NRG3: variants seen among roughly 807,000 people sequenced by gnomAD.
NRG3 encodes neuregulin 3.
Under a neutral mutation model 66.9 loss-of-function variants are expected in NRG3, and 31 were observed. That is an observed-to-expected ratio of 0.46 (90% CI 0.35 to 0.63). The LOEUF (loss-of-function observed/expected upper bound fraction) is 0.63, where lower values mean the gene tolerates loss of function less well. Ranked by LOEUF, NRG3 falls within the 20% of genes least tolerant of loss-of-function variation. The pLI is 0.00. For synonymous variants in NRG3, 393 were observed against 359.4 expected (o/e 1.09, Z -1.06); for missense variants, 910 against 878.9 (o/e 1.04, Z -0.45).
intron 2 of NRG3, among the ~76,000 whole-genome samples, chr10:82,360,435 G>A (rs1316131321): frequency 6.6e-6 from 1 of 152,150 alleles, no homozygotes; most frequent in Non-Finnish European, 1.5e-5. Flanking sequence ...ATTGAAGAAG[G>A]GATGAATCAG....
At chr10:82,940,585 A>G (rs996385554) in intron 4 of NRG3, among the ~76,000 whole-genome samples, 19 of 152,150 alleles carry the variant, frequency 1.2e-4, no homozygotes, top group African/African-American at 4.3e-4. Flanking sequence ...AAAGTACCCT[A>G]CACTGCATAG....
chr10:82,805,547 A>G (rs1383875211), intron 3 of NRG3, among the ~76,000 whole-genome samples: 1 of 152,112 alleles, frequency 6.6e-6, no homozygotes, highest in East Asian at 1.9e-4. Context: ...TCCGTTTAGA[A>G]ACTGGCTTGA....
intron 1 of NRG3, 32 bp downstream of exon 1, chr10:81,876,195 A>G: frequency 3.9e-6 from 6 of 1,541,320 alleles, no homozygotes; most frequent in Non-Finnish European, 4.4e-6. Context: ...ACTATGATTT[A>G]CTACTGAGTT....
chr10:82,779,469 T>C (rs539688053), intron 3 of NRG3, among the ~76,000 whole-genome samples: 3 of 152,244 alleles, frequency 2.0e-5, no homozygotes, highest in Non-Finnish European at 4.4e-5. Context: ...GACCAAAATA[T>C]AGTTATTCAT....
chr10:82,162,572 CA>C (rs2071683028), intron 1 of NRG3, among the ~76,000 whole-genome samples: 1 of 152,150 alleles, frequency 6.6e-6, no homozygotes, highest in Non-Finnish European at 1.5e-5. Context: ...CAAGAGAAGT[CA>C]CTAAGTTATT....
intron 1 of NRG3, among the ~76,000 whole-genome samples, chr10:82,275,631 A>G (rs1053615581): frequency 1.3e-5 from 2 of 151,938 alleles, no homozygotes; most frequent in Admixed American, 6.6e-5. Flanking sequence ...GGAATTCCCA[A>G]TTCCAAATGA....
At chr10:82,943,738 A>G (rs749559495) in intron 4 of NRG3, among the ~76,000 whole-genome samples, 3 of 152,146 alleles carry the variant, frequency 2.0e-5, no homozygotes, top group Admixed American at 6.5e-5. Context: ...ACATACCCCA[A>G]AATAATGCTT....
chr10:82,307,754 C>CT (rs77135870), intron 1 of NRG3, among the ~76,000 whole-genome samples: 63 of 149,368 alleles, frequency 4.2e-4, no homozygotes, highest in East Asian at 3.7e-3. Context: ...CCAATTTCAT[C>CT]TTTTTTTTTT....
intron 3 of NRG3, among the ~76,000 whole-genome samples, chr10:82,784,820 G>A (rs1165328221): frequency 8.6e-5 from 13 of 151,820 alleles, no homozygotes; most frequent in Admixed American, 7.2e-4. Context: ...ATCTAGAACT[G>A]GAAATACCAT....
chr10:81,947,350 A>C (rs1019472893), intron 1 of NRG3, among the ~76,000 whole-genome samples: 1 of 152,138 alleles, frequency 6.6e-6, no homozygotes, highest in African/African-American at 2.4e-5. Context: ...TTGCATTCTA[A>C]GGTACTAGGG....
intron 2 of NRG3, among the ~76,000 whole-genome samples, chr10:82,559,635 T>G (rs2044896278): frequency 6.6e-6 from 1 of 152,216 alleles, no homozygotes; most frequent in South Asian, 2.1e-4. Context: ...CTGAGCAGCA[T>G]GTAGCTTCCT....
rs558302398 is a variant in NRG3 at position 81,931,897 on chromosome 10, T to C, written c.823+55734T>C. Reference sequence around the variant, plus strand: ...AGATTATGACTAAAAACAATGCCATTACATCTCCCATTAAAAAGAGTCTGA... The same window carrying C: ...AGATTATGACTAAAAACAATGCCATCACATCTCCCATTAAAAAGAGTCTGA... On this transcript the variant is annotated intron_variant, in intron 1 of 8. Coordinates refer to ENST00000372141, the MANE Select transcript of NRG3 (RefSeq NM_001010848.4). 2.0e-5 allele frequency among the ~76,000 whole-genome samples: 3 copies of C among 152,168 alleles called. No individual in the cohort carries two copies. The South Asian group carries it at 6.2e-4, about 32-fold the overall frequency.
chr10:82,059,200 A>G (rs2064002580), intron 1 of NRG3, among the ~76,000 whole-genome samples: 1 of 152,206 alleles, frequency 6.6e-6, no homozygotes, highest in Non-Finnish European at 1.5e-5. Context: ...GAATAATGTG[A>G]TCAAATCTGT....
intron 2 of NRG3, among the ~76,000 whole-genome samples, chr10:82,575,673 A>C (rs2133160584): frequency 6.6e-6 from 1 of 151,906 alleles, no homozygotes; most frequent in Non-Finnish European, 1.5e-5. Flanking sequence ...ACAAACAAAG[A>C]CCACTTCATA....
intron 2 of NRG3, among the ~76,000 whole-genome samples, chr10:82,493,367 G>T (rs1046329229): frequency 6.6e-5 from 10 of 152,084 alleles, no homozygotes; most frequent in Admixed American, 6.5e-5. Context: ...ACTTATAAGT[G>T]AGGACATGCG....
chr10:82,503,948 A>C (rs916763217), intron 2 of NRG3, among the ~76,000 whole-genome samples: 2 of 152,196 alleles, frequency 1.3e-5, no homozygotes, highest in African/African-American at 4.8e-5. Context: ...TGTATAAGGT[A>C]ATCTTTGAAT....
At chr10:82,522,463 A>G (rs533402044) in intron 2 of NRG3, among the ~76,000 whole-genome samples, 19 of 152,314 alleles carry the variant, frequency 1.2e-4, no homozygotes, top group South Asian at 1.0e-3. Flanking sequence ...AAACAACCAC[A>G]ATAATAACAT....
intron 2 of NRG3, among the ~76,000 whole-genome samples, chr10:82,631,592 T>G (rs2049840612): frequency 6.6e-6 from 1 of 151,808 alleles, no homozygotes; most frequent in Non-Finnish European, 1.5e-5. Context: ...GCCGTGGTTT[T>G]TTTTTTTTTT....
At chr10:82,892,422 G>A (rs1843236205) in intron 4 of NRG3, among the ~76,000 whole-genome samples, 1 of 152,138 alleles carries the variant, frequency 6.6e-6, no homozygotes, top group South Asian at 2.1e-4. Context: ...CCAACACTTT[G>A]GGAGACCAAG....
Sources: allele counts gnomAD v4.1 joint callset (sites outside exome capture counted in the v4.1 genomes callset), GRCh38; gene constraint gnomAD v4.1.1; transcripts MANE v1.5; gene names NCBI Gene and HGNC (gene_info 2026-07-23, HGNC 2026-07-21).